The following ZNF138 variants were observed in gnomAD, a reference collection of about 807,000 sequenced individuals.
ZNF138 encodes zinc finger protein 138.
In ZNF138, 33 loss-of-function variants were observed where a neutral mutation model predicts 33.0. The ratio of observed to expected loss-of-function variants is 1.00; its 90% CI spans 0.76 to 1.34. The LOEUF (loss-of-function observed/expected upper bound fraction) is 1.34. Among genes scored for constraint, ZNF138 ranks in the 40% most tolerant of loss-of-function variants. The pLI is 0.00. For synonymous variants in ZNF138, 139 were observed against 120.4 expected, an observed-to-expected ratio of 1.15 and a Z score of -1.01; for missense variants, 360 against 370.8, an observed-to-expected ratio of 0.97 and a Z score of 0.24.
intron 1 of ZNF138, among the ~76,000 whole-genome samples, chr7:64,801,241 TATTC>T (rs1178813778): frequency 6.6e-6 from 1 of 152,164 alleles, no homozygotes; most frequent in Non-Finnish European, 1.5e-5. Flanking sequence ...CTCCTTATTT[TATTC>T]ATAATGTTAG....
chr7:64,847,281 T>A, the ZNF138 span, among the ~76,000 whole-genome samples: 9 of 149,342 alleles, frequency 6.0e-5, no homozygotes, highest in Non-Finnish European at 1.2e-4. Flanking sequence ...GAGATCAGCA[T>A]GGCTTACATG....
At chr7:64,830,769 T>C (rs1790017792) in intron 3 of ZNF138, among the ~76,000 whole-genome samples, 1 of 152,220 alleles carries the variant, frequency 6.6e-6, no homozygotes, top group Non-Finnish European at 1.5e-5. Context: ...TAATGCAACT[T>C]TGTCCTGGCA....
intron 1 of ZNF138, among the ~76,000 whole-genome samples, chr7:64,806,679 G>T (rs1319345001): frequency 3.3e-5 from 5 of 152,178 alleles, no homozygotes; most frequent in African/African-American, 1.2e-4. Context: ...CCTTCTTTGA[G>T]CTGTGTATTT....
chr7:64,821,113 G>A (rs1180152378), intron 3 of ZNF138, among the ~76,000 whole-genome samples: 5 of 149,736 alleles, frequency 3.3e-5, no homozygotes, highest in South Asian at 2.1e-4. Flanking sequence ...TTTTTGGGAC[G>A]GAGTCTGGCT....
At chr7:64,804,558 G>A (rs1057320408) in intron 1 of ZNF138, among the ~76,000 whole-genome samples, 21 of 146,632 alleles carry the variant, frequency 1.4e-4, no homozygotes, top group African/African-American at 5.3e-4. Flanking sequence ...GGAGGTGGGT[G>A]GATCATTGCA....
rs375651103 is a variant in ZNF138, at chr7:64,814,990, C to T, written c.76C>T (p.Arg26Trp). 7.2e-5 allele frequency: 116 copies of T among 1,612,612 alleles called. No individual in the cohort carries two copies. Among genetic ancestry groups the T allele is most frequent in the Non-Finnish European group, 8.8e-5 (104 of 1,179,356 alleles). ...EEWQCLDTAQ[R>W]NVYRHVMLEN... ...GTGGCAGTGCCTGGACACTGCACAG[C>T]GGAATGTATATAGGCATGTGATGTT... The change falls in exon 2 of 4, where the codon CGG (arginine) becomes TGG (tryptophan). Residue 26 changes from arginine (R) to tryptophan (W), a missense_variant. Coordinates refer to ENST00000307355, the MANE Select transcript of ZNF138 (RefSeq NM_001271639.2).
At chr7:64,823,781 T>A (rs1252774092) in intron 3 of ZNF138, among the ~76,000 whole-genome samples, 1 of 152,028 alleles carries the variant, frequency 6.6e-6, no homozygotes, top group Non-Finnish European at 1.5e-5. Flanking sequence ...CTACTAAAAA[T>A]ACAAAAATTA....
At chr7:64,805,415 A>AC (rs1554364157) in intron 1 of ZNF138, among the ~76,000 whole-genome samples, 19 of 69,468 alleles carry the variant, frequency 2.7e-4, no homozygotes, top group Non-Finnish European at 4.6e-4. Context: ...ACAAAACAAA[A>AC]AAAAAAACTG....
chr7:64,816,339 A>C (rs565965148), intron 3 of ZNF138, among the ~76,000 whole-genome samples: 1 of 152,140 alleles, frequency 6.6e-6, no homozygotes, highest in Admixed American at 6.6e-5. Context: ...ATATAAATAA[A>C]ATATTTTTAA....
At chr7:64,840,475 A>C in the ZNF138 span, among the ~76,000 whole-genome samples, 1 of 4,332 alleles carries the variant, frequency 2.3e-4, no homozygotes, top group African/African-American at 2.5e-4. Context: ...GTTTATATTT[A>C]TGTCATTATA....
At chr7:64,844,883 C>T in the ZNF138 span, among the ~76,000 whole-genome samples, 7 of 152,166 alleles carry the variant, frequency 4.6e-5, no homozygotes, top group African/African-American at 1.4e-4. Flanking sequence ...GACGGGGTTT[C>T]ACCATGTTGG....
chr7:64,808,667 A>G (rs940274895), intron 1 of ZNF138, among the ~76,000 whole-genome samples: 4 of 149,720 alleles, frequency 2.7e-5, no homozygotes, highest in Non-Finnish European at 5.9e-5. Flanking sequence ...TCATAGGACA[A>G]TAGTGGAGGG....
At chr7:64,843,667 C>G in the ZNF138 span, among the ~76,000 whole-genome samples, 1 of 147,164 alleles carries the variant, frequency 6.8e-6, no homozygotes, top group Non-Finnish European at 1.5e-5. Flanking sequence ...TTGATATTAA[C>G]CCCTTGTCAC....
chr7:64,819,316 A>G (rs548767856), intron 3 of ZNF138, among the ~76,000 whole-genome samples: 4 of 150,876 alleles, frequency 2.7e-5, no homozygotes, highest in South Asian at 2.1e-4. Context: ...TAATGAATAT[A>G]TATTTCCTTG....
chr7:64,794,590 A>G lies in ZNF138; in HGVS notation c.3+19A>G, dbSNP rs1248815659. ...AGAAATGGTGAGAGTGCTGGGTCCG[A>G]CATCCCGAGAGAGGGGGAGGGAGCT... On this transcript the variant is annotated intron_variant, in intron 1 of 3. Transcript: ENST00000307355. 3 of 1,613,360 alleles carry G rather than the reference A, an allele frequency of 1.9e-6. No homozygotes were observed. Among genetic ancestry groups the G allele is most frequent in the Non-Finnish European group, 2.5e-6 (3 of 1,179,614 alleles).
the ZNF138 span, among the ~76,000 whole-genome samples, chr7:64,850,206 C>G: frequency 6.6e-6 from 1 of 152,212 alleles, no homozygotes; most frequent in Non-Finnish European, 1.5e-5. Context: ...ATTCCATGTT[C>G]TAGACTTTCA....
intron 1 of ZNF138, among the ~76,000 whole-genome samples, chr7:64,802,217 A>C (rs769826191): frequency 2.0e-5 from 3 of 152,152 alleles, no homozygotes; most frequent in Non-Finnish European, 2.9e-5. Flanking sequence ...ATATCTGAAG[A>C]CCTCGGATCA....
At chr7:64,833,705 G>GTTTTT (rs139949399), downstream of ZNF138, 3 of 151,032 alleles carry the variant, frequency 2.0e-5, no homozygotes, top group Non-Finnish European at 2.9e-5. Context: ...TTTAGTGTGT[G>GTTTTT]GTTTGTTTGT....
chr7:64,860,710 A>G, the ZNF138 span, among the ~76,000 whole-genome samples: 2 of 152,230 alleles, frequency 1.3e-5, no homozygotes, highest in Non-Finnish European at 2.9e-5. Context: ...TGAAAGCACA[A>G]ACCCAGGAGG....
Sources: allele counts gnomAD v4.1 joint callset (sites outside exome capture counted in the v4.1 genomes callset), GRCh38; gene constraint gnomAD v4.1.1; transcripts MANE v1.5; gene names NCBI Gene and HGNC (gene_info 2026-07-23, HGNC 2026-07-21).